ACAD11: variants seen among roughly 807,000 people sequenced by gnomAD.
ACAD11 encodes acyl-CoA dehydrogenase family member 11.
Under a neutral mutation model 102.2 loss-of-function variants are expected in ACAD11, and 83 were observed. That is an observed-to-expected ratio of 0.81 (90% CI 0.68 to 0.97). The LOEUF is 0.97. ACAD11 is among the 50% of genes least tolerant of loss of function. The pLI is 0.00. For synonymous variants in ACAD11, 324 were observed against 319.8 expected, an observed-to-expected ratio of 1.01 and a Z score of -0.14; for missense variants, 901 against 951.7, an observed-to-expected ratio of 0.95 and a Z score of 0.70.
rs1232911413 is a variant in ACAD11, at chr3:132,575,797, G to T, written c.1976C>A (p.Ala659Asp). ...ATGTGCATACAACTTCTTCTTGAAA[G>T]CTATCCTTTGTGTTGCCCGCTCACA... ...IMCERATQRI[A>D]FKKKLYAHEV... is the part of the protein sequence containing the mutation. Residue 659 changes from alanine (A) to aspartate (D), a missense_variant, in exon 17 of 20, where the codon GCT (alanine) becomes GAT (aspartate). Transcript: ENST00000264990. 4.3e-6 allele frequency: 7 copies of T among 1,614,000 alleles called. No individual in the cohort carries two copies. The highest frequency in any genetic ancestry group is 5.9e-6 in the Non-Finnish European group (7 of 1,179,974).
intron 6 of ACAD11, among the ~76,000 whole-genome samples, chr3:132,630,979 G>C (rs1329601441): frequency 6.7e-6 from 1 of 149,980 alleles, no homozygotes; most frequent in Non-Finnish European, 1.5e-5. Flanking sequence ...GCTGAAGTGG[G>C]AGAATCACTT....
chr3:132,575,298 C>T (rs1488166861), intron 17 of ACAD11, among the ~76,000 whole-genome samples: 1 of 152,156 alleles, frequency 6.6e-6, no homozygotes, highest in East Asian at 1.9e-4. Context: ...TGTGTTTCTC[C>T]AGTGACAGAA....
At chr3:132,590,782 T>C (rs960422304) in intron 13 of ACAD11, among the ~76,000 whole-genome samples, 3 of 152,242 alleles carry the variant, frequency 2.0e-5, no homozygotes, top group Non-Finnish European at 4.4e-5. Context: ...TTCTTTCATA[T>C]TTTGTTGGCT....
At position 132,558,987 on chromosome 3, in the gene ACAD11, A is replaced by C; in HGVS notation, c.2327T>G (p.Leu776Arg). The C allele has an allele frequency of 1.2e-6, 2 of 1,613,086 alleles. No individual in the cohort carries two copies. Among genetic ancestry groups the C allele is most frequent in the South Asian group, 1.1e-5 (1 of 90,952 alleles). The part of the protein sequence containing the change: ...TMELRDQAKR[L>R]TAKI ...CCACCCTCCTTATATCTTGGCTGTC[A>C]GTCTTTTGGCTTGGTCCCGCAGCTC... Residue 776 changes from leucine to arginine, a missense_variant, in exon 20 of 20, where the codon CTG (leucine) becomes CGG (arginine). Leu to Arg is a moderately radical substitution (Grantham distance 102). Coordinates refer to ENST00000264990, the MANE Select transcript of ACAD11 (RefSeq NM_032169.5).
chr3:132,576,262 G>A (rs1020742516), intron 16 of ACAD11, among the ~76,000 whole-genome samples: 2 of 152,190 alleles, frequency 1.3e-5, no homozygotes, highest in African/African-American at 4.8e-5. Flanking sequence ...GTGGGTAAGG[G>A]TAAGAGATAC....
At position 132,605,115 on chromosome 3, in the gene ACAD11, G is replaced by A. The variant is rs1299913146; in HGVS notation, c.1505C>T (p.Ser502Phe). 6.2e-7 allele frequency: 1 copy of A among 1,612,614 alleles called. No homozygotes were observed. The highest frequency in any genetic ancestry group is 2.2e-5 in the East Asian group (1 of 44,826). ...GCATTTACCTGTCATACAGAAGCAA[G>A]AGGTAATGTTCCCTTGAAGAAGAGG... ...LEPLLQGNIT[S>F]CFCMTEPDVA... The change falls in exon 12 of 20, where the codon TCT becomes TTT. Residue 502 changes from serine to phenylalanine, a missense_variant. By Grantham distance (155) the Ser-to-Phe change is radical. Coordinates refer to ENST00000264990, the MANE Select transcript of ACAD11 (RefSeq NM_032169.5).
At chr3:132,648,501 T>G (rs1940802271) in intron 1 of ACAD11, 1 of 151,978 alleles carries the variant, frequency 6.6e-6, no homozygotes, top group Non-Finnish European at 1.5e-5. Context: ...TCTCTAAGCT[T>G]TAGAAACTCA....
At chr3:132,659,491 T>C in intron 1 of ACAD11, 112 bp downstream of exon 1, 2 of 1,490,560 alleles carry the variant, frequency 1.3e-6, no homozygotes, top group Non-Finnish European at 1.8e-6. Flanking sequence ...GTCCACTGAC[T>C]GCAGGAAAAG....
At chr3:132,658,654 A>G (rs947910996) in intron 1 of ACAD11, among the ~76,000 whole-genome samples, 33 of 152,136 alleles carry the variant, frequency 2.2e-4, no homozygotes, top group Admixed American at 2.0e-3. Context: ...TCATCTTCCA[A>G]TATCTATTGG....
chr3:132,648,532 T>C (rs1940803772), intron 1 of ACAD11: 1 of 152,110 alleles, frequency 6.6e-6, no homozygotes, highest in Admixed American at 6.5e-5. Context: ...TAGGAATTTT[T>C]TAACAGAAAG....
In ACAD11 at chr3:132,626,794, T is replaced by G. The variant is rs1939832194; in HGVS notation, c.1094A>C (p.Gln365Pro). ...SKRTFSTVLP[Q>P]IDTTGQLFVQ... is the part of the protein sequence containing the mutation. Reference sequence around the variant, plus strand: ...AAACAACTGTCCAGTAGTATCAATCTGTGGTAGTACAGTACTGAAAGTTCT... The same window carrying G: ...AAACAACTGTCCAGTAGTATCAATCGGTGGTAGTACAGTACTGAAAGTTCT... Residue 365 changes from glutamine to proline, a missense_variant, in exon 9 of 20, where the codon CAG becomes CCG. Coordinates refer to ENST00000264990, the MANE Select transcript of ACAD11 (RefSeq NM_032169.5). 6.2e-7 allele frequency: 1 copy of G among 1,613,654 alleles called. No individual in the cohort carries two copies. The highest frequency in any genetic ancestry group is 8.5e-7 in the Non-Finnish European group (1 of 1,179,894).
intron 1 of ACAD11, among the ~76,000 whole-genome samples, chr3:132,648,966 GT>G (rs1159637969): frequency 6.6e-6 from 1 of 152,236 alleles, no homozygotes; most frequent in African/African-American, 2.4e-5. Flanking sequence ...TGGAATCAAG[GT>G]TTAAGGGATC....
Position 132,575,941 on chromosome 3 carries a change from GA to G in ACAD11, c.1847-16del, listed in dbSNP as rs897885227. ...CCTACCTTCACCTGGGAAGAAAGGG[GA>G]AAAAAAGGGGGAATGTGAAAATGGC... On this transcript the variant is annotated splice_polypyrimidine_tract_variant and intron_variant, in intron 16 of 19. Coordinates refer to ENST00000264990, the MANE Select transcript of ACAD11 (RefSeq NM_032169.5). 5 of 1,603,432 alleles carry G rather than the reference GA, an allele frequency of 3.1e-6. No homozygotes were observed. Among genetic ancestry groups the G allele is most frequent in the Non-Finnish European group, 3.4e-6 (4 of 1,176,072 alleles).
At chr3:132,604,829 A>C (rs1016825656) in intron 12 of ACAD11, among the ~76,000 whole-genome samples, 1 of 152,218 alleles carries the variant, frequency 6.6e-6, no homozygotes, top group Non-Finnish European at 1.5e-5. Flanking sequence ...GACATCAAAA[A>C]ATTGTGAAAC....
chr3:132,567,977 C>T (rs1937262421), intron 17 of ACAD11, among the ~76,000 whole-genome samples: 1 of 152,100 alleles, frequency 6.6e-6, no homozygotes, highest in Non-Finnish European at 1.5e-5. Context: ...AAGCAATCTA[C>T]AAAAAACTCC....
chr3:132,561,127 G>C lies in ACAD11; in HGVS notation c.2092C>G (p.Leu698Val), dbSNP rs1937042576. The C allele has an allele frequency of 6.2e-7, 1 of 1,613,380 alleles. No homozygotes were observed. The highest frequency in any genetic ancestry group is 1.3e-5 in the African/African-American group (1 of 75,032). Reference protein sequence around the residue: ...TLKAAHSMDTLGSAGAKKEIA... With the variant: ...TLKAAHSMDTVGSAGAKKEIA... ...TCTTTCTTAGCGCCAGCACTGCCCAGAGTGTCCATGCTGTGAGCAGCTTTC... is the reference window on the plus strand; with the variant it reads ...TCTTTCTTAGCGCCAGCACTGCCCACAGTGTCCATGCTGTGAGCAGCTTTC... The change falls in exon 18 of 20, where the codon CTG (leucine) becomes GTG (valine). Residue 698 changes from leucine to valine, a missense_variant. Leu to Val is a conservative substitution (Grantham distance 32). Coordinates refer to ENST00000264990, the MANE Select transcript of ACAD11 (RefSeq NM_032169.5).
chr3:132,648,587 T>C (rs1376900117), intron 1 of ACAD11: 2 of 151,876 alleles, frequency 1.3e-5, no homozygotes, highest in Non-Finnish European at 2.9e-5. Context: ...AGGGAATCAG[T>C]TGTGTTTGTG....
chr3:132,596,298 G>A (rs1193108710), intron 13 of ACAD11, among the ~76,000 whole-genome samples: 2 of 152,098 alleles, frequency 1.3e-5, no homozygotes, highest in Admixed American at 6.6e-5. Context: ...TAGAGAAAGA[G>A]GATCAGGAAA....
intron 13 of ACAD11, among the ~76,000 whole-genome samples, chr3:132,589,396 A>G (rs1441688866): frequency 6.6e-6 from 1 of 152,214 alleles, no homozygotes; most frequent in Non-Finnish European, 1.5e-5. Context: ...GTAATCTTTT[A>G]TCCCTGGCTA....
Sources: allele counts gnomAD v4.1 joint callset (sites outside exome capture counted in the v4.1 genomes callset), GRCh38; gene constraint gnomAD v4.1.1; transcripts MANE v1.5; gene names NCBI Gene and HGNC (gene_info 2026-07-23, HGNC 2026-07-21).